CBR4: variants seen among roughly 807,000 people sequenced by gnomAD.
The protein encoded by CBR4 is 3-oxoacyl-[acyl-carrier-protein] reductase.
CBR4 carries 22 observed loss-of-function variants against 21.0 expected under a neutral mutation model. The observed-to-expected ratio is 1.05, with a 90% CI of 0.75 to 1.50. The LOEUF is 1.50. Ranked by LOEUF, CBR4 falls within the 40% of genes most tolerant of loss-of-function variation. The pLI is 0.00. For synonymous variants in CBR4, 100 were observed against 104.4 expected (o/e 0.96, Z 0.26); for missense variants, 302 against 286.3 (o/e 1.05, Z -0.40).
At chr4:168,960,554 A>G (rs1326381715) in intron 2 of CBR4, among the ~76,000 whole-genome samples, 1 of 152,218 alleles carries the variant, frequency 6.6e-6, no homozygotes, top group African/African-American at 2.4e-5. Context: ...CTGAAAAGAT[A>G]TACAGATCAA....
Position 168,924,347 on chromosome 4 carries a change from T to C in CBR4, n.170-29582A>G. 6.2e-7 allele frequency: 1 copy of C among 1,613,874 alleles called. No individual in the cohort carries two copies. Among genetic ancestry groups the C allele is most frequent in the Non-Finnish European group, 8.5e-7 (1 of 1,179,844 alleles). On this transcript the variant is annotated intron_variant and non_coding_transcript_variant, in intron 2 of 3. Transcript: ENST00000509108. ...CCCAGTGCGGCTGGAATGTCGTGTA[T>C]TGGGAGTGCCACCACCTCAGATATT... is the stretch of plus-strand genomic sequence containing the variant.
At chr4:168,931,694 C>T (rs1762973611) in intron 2 of CBR4, among the ~76,000 whole-genome samples, 1 of 152,174 alleles carries the variant, frequency 6.6e-6, no homozygotes, top group African/African-American at 2.4e-5. Flanking sequence ...GCAAGCAAGA[C>T]CCCAAGTTGG....
At chr4:168,957,677 TTA>T (rs776105481) in intron 2 of CBR4, among the ~76,000 whole-genome samples, 1 of 152,178 alleles carries the variant, frequency 6.6e-6, no homozygotes, top group East Asian at 1.9e-4. Flanking sequence ...CTATGGTAGA[TTA>T]GTTTGCATCT....
intron 4 of CBR4, among the ~76,000 whole-genome samples, chr4:168,993,763 GA>G (rs1274177871): frequency 6.6e-6 from 1 of 151,976 alleles, no homozygotes; most frequent in East Asian, 1.9e-4. Context: ...AACAAAAACA[GA>G]AAAACACAAT....
At chr4:168,901,634 G>C (rs1396536110) in intron 2 of CBR4, among the ~76,000 whole-genome samples, 1 of 152,092 alleles carries the variant, frequency 6.6e-6, no homozygotes, top group Non-Finnish European at 1.5e-5. Flanking sequence ...GAGGCAGGCA[G>C]ATCTCTTGAG....
At chr4:168,978,855 T>G (rs1454706437) in intron 2 of CBR4, among the ~76,000 whole-genome samples, 1 of 152,134 alleles carries the variant, frequency 6.6e-6, no homozygotes, top group African/African-American at 2.4e-5. Flanking sequence ...CAAAGCCCAC[T>G]GGCCTGGGAT....
chr4:168,935,939 G>A (rs1763100567), intron 2 of CBR4, among the ~76,000 whole-genome samples: 2 of 152,138 alleles, frequency 1.3e-5, no homozygotes, highest in African/African-American at 4.8e-5. Context: ...TCCTCAAGTG[G>A]GTCCCTGACC....
chr4:168,904,775 G>A (rs1482800624), intron 2 of CBR4, among the ~76,000 whole-genome samples: 1 of 152,054 alleles, frequency 6.6e-6, no homozygotes, highest in African/African-American at 2.4e-5. Context: ...TTCTTTTGAA[G>A]AAAATATTTA....
intron 2 of CBR4, among the ~76,000 whole-genome samples, chr4:168,961,940 CAGGAG>C (rs11267211): frequency 1.4e-3 from 182 of 133,630 alleles, no homozygotes; most frequent in African/African-American, 1.8e-3. Flanking sequence ...GAGGAGAGCA[CAGGAG>C]AGGAGAGGAG....
chr4:168,993,399 C>T (rs959790558), intron 4 of CBR4, among the ~76,000 whole-genome samples: 3 of 151,996 alleles, frequency 2.0e-5, no homozygotes, highest in African/African-American at 4.8e-5. Flanking sequence ...CTAGTAGAGA[C>T]GGGGTTTCAC....
chr4:168,963,108 C>T (rs1763911846), intron 2 of CBR4, among the ~76,000 whole-genome samples: 1 of 152,092 alleles, frequency 6.6e-6, no homozygotes, highest in Non-Finnish European at 1.5e-5. Context: ...TTTCAAAATC[C>T]ATGTTCATTC....
intron 2 of CBR4, among the ~76,000 whole-genome samples, chr4:168,931,230 CAGG>C (rs1762961409): frequency 6.6e-6 from 1 of 152,216 alleles, no homozygotes; most frequent in African/African-American, 2.4e-5. Context: ...GACATGCCCT[CAGG>C]CCAGAACCAG....
At chr4:168,913,381 C>A (rs1478459340) in intron 2 of CBR4, among the ~76,000 whole-genome samples, 1 of 152,108 alleles carries the variant, frequency 6.6e-6, no homozygotes, top group Non-Finnish European at 1.5e-5. Context: ...TCGTGATCCA[C>A]CTGCGTCAGC....
intron 1 of CBR4, among the ~76,000 whole-genome samples, 176 bp from the exon 2 acceptor site, chr4:169,007,932 G>A (rs1170622370): frequency 6.6e-6 from 1 of 152,194 alleles, no homozygotes; most frequent in Non-Finnish European, 1.5e-5. Flanking sequence ...AAACTGGGAT[G>A]CGGGAACAAA....
At chr4:168,921,799 T>C in intron 2 of CBR4, 1 of 1,311,996 alleles carries the variant, frequency 7.6e-7, no homozygotes, top group Middle Eastern at 2.6e-4. Context: ...CTTACAAATG[T>C]AAACTAATTC....
chr4:168,979,813 T>A (rs910625689), intron 2 of CBR4, among the ~76,000 whole-genome samples: 1 of 152,162 alleles, frequency 6.6e-6, no homozygotes, highest in African/African-American at 2.4e-5. Context: ...CACAGGCAAC[T>A]GACAGCTCCT....
rs762238611 is a variant in CBR4 at position 168,921,720 on chromosome 4, A to G, written n.170-26955T>C. The G allele has an allele frequency of 6.2e-7, 1 of 1,611,570 alleles. No individual in the cohort carries two copies. Among genetic ancestry groups the G allele is most frequent in the Non-Finnish European group, 8.5e-7 (1 of 1,179,748 alleles). ...CAACCGAGCAGGACAGAACTCATTCAGCCTGGAGCTTGTGGTTGCTGGTAG... is the reference window on the plus strand; with the variant it reads ...CAACCGAGCAGGACAGAACTCATTCGGCCTGGAGCTTGTGGTTGCTGGTAG... On this transcript the variant is annotated intron_variant and non_coding_transcript_variant, in intron 2 of 3. Transcript: ENST00000509108.
chr4:169,000,728 C>A (rs1044109636), intron 4 of CBR4, among the ~76,000 whole-genome samples: 4 of 152,118 alleles, frequency 2.6e-5, no homozygotes, highest in Admixed American at 2.0e-4. Flanking sequence ...CAAGTAAATA[C>A]CTAATCAAAA....
At chr4:168,977,763 T>A (rs1258201324) in intron 2 of CBR4, among the ~76,000 whole-genome samples, 1 of 152,168 alleles carries the variant, frequency 6.6e-6, no homozygotes, top group South Asian at 2.1e-4. Flanking sequence ...TTATGCAGTG[T>A]TTTTTGCGAA....
Sources: gnomAD v4.1 joint callset for allele counts (sites outside exome capture counted in the v4.1 genomes callset) on GRCh38, gnomAD v4.1.1 for gene constraint, MANE v1.5 for transcripts, NCBI Gene and HGNC (gene_info 2026-07-23, HGNC 2026-07-21) for gene names.